MAP4: variants seen among roughly 807,000 people sequenced by gnomAD.
The protein encoded by MAP4 is microtubule associated protein 4.
In MAP4, 76 loss-of-function variants were observed where a neutral mutation model predicts 170.2. The ratio of observed to expected loss-of-function variants is 0.45; its 90% CI spans 0.37 to 0.54. The LOEUF is 0.54. MAP4 is among the 20% of genes least tolerant of loss of function. The probability of loss-of-function intolerance (pLI) is 0.00; values close to 1 mark genes in which losing one functional copy is unlikely to be tolerated. For synonymous variants in MAP4, 909 were observed against 994.5 expected (o/e 0.91, Z 1.62); for missense variants, 2,506 against 2,748.0 (o/e 0.91, Z 1.97).
At chr3:48,065,927 T>C (rs1456543771) in intron 1 of MAP4, among the ~76,000 whole-genome samples, 5 of 152,032 alleles carry the variant, frequency 3.3e-5, no homozygotes, top group African/African-American at 1.2e-4. Flanking sequence ...GAGACAAGCA[T>C]GGGCAACATA....
At chr3:48,017,740 A>G (rs1342775495), upstream of MAP4, among the ~76,000 whole-genome samples, 1 of 152,090 alleles carries the variant, frequency 6.6e-6, no homozygotes, top group East Asian at 1.9e-4. Context: ...AAATTGTCTT[A>G]CCACCTTTTC....
At position 47,852,382 on chromosome 3, in the gene MAP4, G is replaced by T. The variant is rs577655606; in HGVS notation, c.*552C>A. On this transcript the variant is annotated 3_prime_UTR_variant, in exon 21 of 21. Transcript: ENST00000683076. ...GCCCGACACCACCTGCATGGGGAGGGGGGGGCGCCCATTTGTGGGACCAGA... is the reference window on the plus strand; with the variant it reads ...GCCCGACACCACCTGCATGGGGAGGTGGGGGCGCCCATTTGTGGGACCAGA... 114 of 186,818 alleles carry T rather than the reference G, an allele frequency of 6.1e-4. No homozygotes were observed. The highest frequency in any genetic ancestry group is 1.0e-3 in the Non-Finnish European group (93 of 90,908). 11.6% of individuals were successfully genotyped at this position (186,818 alleles called of 1,614,324 possible).
chr3:47,952,403 G>T (rs902419911), intron 3 of MAP4, among the ~76,000 whole-genome samples: 1 of 152,226 alleles, frequency 6.6e-6, no homozygotes, highest in African/African-American at 2.4e-5. Context: ...ACAGCTCATT[G>T]AGAACGGGCC....
intron 3 of MAP4, among the ~76,000 whole-genome samples, chr3:47,949,860 G>A (rs1181545186): frequency 6.7e-6 from 1 of 148,300 alleles, no homozygotes; most frequent in Non-Finnish European, 1.5e-5. Flanking sequence ...ACACCCAGCG[G>A]TGCTCACCCA....
chr3:47,867,866 G>A lies in MAP4; in HGVS notation c.6409-528C>T, dbSNP rs1017393810. Reference sequence around the variant, plus strand: ...GAAGCACTGGGCAGCTGGCAACAAGGGCACGGATGATACTAACAGGAAGGA... The same window carrying A: ...GAAGCACTGGGCAGCTGGCAACAAGAGCACGGATGATACTAACAGGAAGGA... On this transcript the variant is annotated intron_variant, in intron 16 of 20. Transcript: ENST00000683076. Among the ~76,000 whole-genome samples, 11 of 152,294 alleles carry A rather than the reference G, an allele frequency of 7.2e-5. 1 individual carries two copies. The highest frequency in any genetic ancestry group is 4.1e-4 in the South Asian group (2 of 4,826).
rs954313993 is a variant in MAP4 at position 47,918,528 on chromosome 3, C to T, written c.652+191G>A. Among the ~76,000 whole-genome samples, 12 of 152,168 alleles carry T rather than the reference C, an allele frequency of 7.9e-5. No homozygotes were observed. The East Asian group carries it at 1.7e-3, about 22-fold the overall frequency. The stretch of plus-strand genomic sequence containing the variant: ...AATTTAAAAAAAGTATTTATGTGCC[C>T]GTTAACCCTAAGTGTTATAGTTCAA... On this transcript the variant is annotated intron_variant, in intron 6 of 20. Transcript: ENST00000683076.
chr3:47,895,530 C>T lies in MAP4; in HGVS notation c.5434+7420G>A, dbSNP rs142467519. 4.1e-3 allele frequency among the ~76,000 whole-genome samples: 628 copies of T among 152,340 alleles called. 5 individuals carry two copies. The highest frequency in any genetic ancestry group is 0.014 in the African/African-American group (591 of 41,566). ...CAGAGGCATGACTGGGCATGGCGGA[C>T]GTTGCAGCATGTCTGAAGAAAGTGG... On this transcript the variant is annotated intron_variant, in intron 10 of 20. Transcript: ENST00000683076.
intron 3 of MAP4, among the ~76,000 whole-genome samples, chr3:47,948,159 G>A (rs373694308): frequency 1.1e-4 from 16 of 151,086 alleles, no homozygotes; most frequent in Admixed American, 4.6e-4. Flanking sequence ...CACCACGCCC[G>A]GCTAATTTTT....
chr3:47,898,693 C>T (rs772346401), intron 10 of MAP4, among the ~76,000 whole-genome samples: 1 of 152,160 alleles, frequency 6.6e-6, no homozygotes, highest in Admixed American at 6.5e-5. Flanking sequence ...ACGCCTGTAA[C>T]ACCAGCACTT....
intron 1 of MAP4, among the ~76,000 whole-genome samples, chr3:48,072,839 C>A (rs2100141675): frequency 6.6e-6 from 1 of 152,214 alleles, no homozygotes; most frequent in African/African-American, 2.4e-5. Context: ...CACCTGACTG[C>A]AGCATCAATT....
At chr3:47,891,829 A>AT (rs1442544421) in intron 10 of MAP4, 1 of 1,536,134 alleles carries the variant, frequency 6.5e-7, no homozygotes, top group African/African-American at 1.4e-5. Context: ...CAGAGTTATC[A>AT]TTTACCACCC....
intron 10 of MAP4, chr3:47,891,057 G>T (rs2100023648): frequency 6.6e-7 from 1 of 1,507,812 alleles, no homozygotes; most frequent in Non-Finnish European, 8.8e-7. Flanking sequence ...AGGAACGATG[G>T]AGTGCTCTGG....
chr3:48,086,558 G>C (rs747190875), intron 1 of MAP4, among the ~76,000 whole-genome samples: 88 of 152,128 alleles, frequency 5.8e-4, no homozygotes, highest in Non-Finnish European at 1.1e-3. Context: ...AGAACTGCTT[G>C]AACTCCGGAG....
rs1177164698 is a variant in MAP4 at position 47,911,580 on chromosome 3, A to T, written c.2841T>A (p.Gly947=). Residue 947 remains glycine, a synonymous_variant, in exon 9 of 21, where the codon GGT becomes GGA. Coordinates refer to ENST00000683076, the MANE Select transcript of MAP4 (RefSeq NM_001385682.1). This position sits in a 1 kb window ranked among gnomAD's most constrained non-coding sequence, Gnocchi z 4.0. ...CCTCTTGGTCCAAGAAAGGAGAGCA[A>T]CCCTCTTTAAGTCTGATATCCAAAG... ...ETPLDIRLKE[G]CSPFLDQEVM... 2.0e-6 allele frequency: 3 copies of T among 1,535,938 alleles called. No homozygotes were observed. In the East Asian group the frequency reaches 7.3e-5, roughly 38 times the overall value.
intron 3 of MAP4, among the ~76,000 whole-genome samples, chr3:47,966,385 T>TA (rs1372126939): frequency 6.6e-6 from 1 of 151,782 alleles, no homozygotes; most frequent in Non-Finnish European, 1.5e-5. Context: ...TAGCTGGGAC[T>TA]ACAGGCGCCT....
rs2154450434 is a variant in MAP4, at chr3:48,015,367, T to C, written c.-20+967A>G. Among the ~76,000 whole-genome samples, 3 of 152,258 alleles carry C rather than the reference T, an allele frequency of 2.0e-5. No individual in the cohort carries two copies. In the Middle Eastern group the frequency reaches 0.01, roughly 518 times the overall value. ...TTTCTTTTATACGTTTGTTTTTGCA[T>C]GACATTTAAATGACAGAGAATTCTA... On this transcript the variant is annotated intron_variant, in intron 1 of 20. Transcript: ENST00000683076.
At chr3:48,082,593 G>A (rs1377213723) in intron 1 of MAP4, among the ~76,000 whole-genome samples, 6 of 151,744 alleles carry the variant, frequency 4.0e-5, no homozygotes, top group African/African-American at 1.4e-4. Flanking sequence ...CATGAGGCCA[G>A]GAGTTCAAGA....
intron 1 of MAP4, among the ~76,000 whole-genome samples, chr3:48,026,849 A>T (rs2100113369): frequency 6.6e-6 from 1 of 152,246 alleles, no homozygotes; most frequent in African/African-American, 2.4e-5. Context: ...TGTTCTCCAT[A>T]ACTAAGAAAA....
chr3:47,871,940 G>A lies in MAP4; in HGVS notation c.5918C>T (p.Thr1973Met), dbSNP rs112516700. The A allele has an allele frequency of 6.4e-5, 103 of 1,612,878 alleles. No homozygotes were observed. The East Asian group carries it at 8.0e-4, about 13-fold the overall frequency. ...ACCAGTGGGCTTCTTGGGCAGGAGC[G>A]TGGAGGGGCTCCTACTGCTTGGGCC... Reference protein sequence around the residue: ...STGPSSRSPSTLLPKKPTAIK... With the variant: ...STGPSSRSPSMLLPKKPTAIK... Residue 1973 changes from threonine to methionine, a missense_variant, in exon 13 of 21, where the codon ACG becomes ATG. Physicochemically the swap from Thr to Met is moderately conservative, Grantham distance 81 (BLOSUM62 -1). Transcript: ENST00000683076.
Sources: allele counts gnomAD v4.1 joint callset (sites outside exome capture counted in the v4.1 genomes callset), GRCh38; gene constraint gnomAD v4.1.1; non-coding constraint Gnocchi (gnomAD v3.1); transcripts MANE v1.5; gene names NCBI Gene and HGNC (gene_info 2026-07-23, HGNC 2026-07-21).